Variants in FAT3 observed in about 807,000 individuals in gnomAD.
FAT3 encodes protocadherin Fat 3.
A neutral mutation model predicts 310.2 loss-of-function variants in FAT3; 95 were observed. The observed-to-expected ratio is 0.31, with a 90% confidence interval of 0.26 to 0.36. The LOEUF is 0.36. Among genes scored for constraint, FAT3 ranks in the 10% least tolerant of loss-of-function variants. The probability of loss-of-function intolerance (pLI) is 1.00; values close to 1 mark genes in which losing one functional copy is unlikely to be tolerated. For synonymous variants in FAT3, 2,314 were observed against 2,192.9 expected (o/e 1.06, Z -1.54); for missense variants, 5,408 against 5,715.6 (o/e 0.95, Z 1.74).
At chr11:92,812,497 G>C (rs970377764) in intron 13 of FAT3, among the ~76,000 whole-genome samples, 5 of 151,692 alleles carry the variant, frequency 3.3e-5, no homozygotes, top group African/African-American at 1.2e-4. Flanking sequence ...CAGAAGAATT[G>C]CTTGAACCCG....
At position 92,762,088 on chromosome 11, in the gene FAT3, A is replaced by T. The variant is rs1334548366; in HGVS notation, c.3902A>T (p.Asp1301Val). Reference protein sequence around the residue: ...ISYSIVDGNDDGKFFIDPKTG... With the variant: ...ISYSIVDGNDVGKFFIDPKTG... ...TACAGTATTGTGGATGGGAATGATG[A>T]CGGAAAGTTCTTTATTGACCCTAAA... Residue 1301 changes from aspartate (D) to valine (V), a missense_variant, in exon 5 of 28, where the codon GAC (aspartate) becomes GTC (valine). Physicochemically the swap from Asp to Val is radical, Grantham distance 152. Around this residue, in one of 5 missense-constraint regions of FAT3, gnomAD observed 4,588 missense variants for 4,809.8 expected, o/e 0.95. Coordinates refer to ENST00000525166, the MANE Select transcript of FAT3 (RefSeq NM_001367949.2). The T allele has an allele frequency of 1.9e-6, 3 of 1,613,872 alleles. No homozygotes were observed. Among genetic ancestry groups the T allele is most frequent in the Non-Finnish European group, 2.5e-6 (3 of 1,179,890 alleles).
chr11:92,890,444 C>A (rs1196259115), intron 27 of FAT3, 47 bp from the exon 28 acceptor site: 1 of 1,558,540 alleles, frequency 6.4e-7, no homozygotes, highest in South Asian at 1.2e-5. Flanking sequence ...AGCAAAGCAC[C>A]AACTCCAGTC....
intron 7 of FAT3, among the ~76,000 whole-genome samples, chr11:92,777,819 A>T (rs1373902791): frequency 3.9e-5 from 6 of 152,142 alleles, no homozygotes. Context: ...GCAGAGTATC[A>T]GCATGAGGTC....
intron 1 of FAT3, among the ~76,000 whole-genome samples, chr11:92,318,594 A>C (rs2134483134): frequency 6.6e-6 from 1 of 152,226 alleles, no homozygotes; most frequent in South Asian, 2.1e-4. Flanking sequence ...TTGAAGAAAA[A>C]CTCCAGCTTA....
At chr11:92,367,279 T>C (rs1949050317) in intron 2 of FAT3, 1 of 236,148 alleles carries the variant, frequency 4.2e-6, no homozygotes, top group African/African-American at 2.2e-5. Flanking sequence ...TGGTGCCAAC[T>C]GGTACAGATG....
At chr11:92,281,205 T>G (rs1197037944) in intron 1 of FAT3, among the ~76,000 whole-genome samples, 6 of 152,138 alleles carry the variant, frequency 3.9e-5, no homozygotes, top group Non-Finnish European at 7.4e-5. Flanking sequence ...GTCTTTCCAT[T>G]TGTACATTAC....
chr11:92,627,545 A>T (rs1941383029), intron 3 of FAT3, among the ~76,000 whole-genome samples: 1 of 152,156 alleles, frequency 6.6e-6, no homozygotes, highest in African/African-American at 2.4e-5. Flanking sequence ...AGGGAGAGGG[A>T]TAGAGATGTC....
rs200494319 is a variant in FAT3, at chr11:92,799,204, G to A, written c.6191G>A (p.Arg2064His). Reference protein sequence around the residue: ...VEASRELDHLRVARVVVRVNI... With the variant: ...VEASRELDHLHVARVVVRVNI... ...GCCAGCCGTGAGCTGGACCATCTGC[G>A]TGTGGCCAGAGTGGTGGTCAGGGTT... Residue 2064 changes from arginine to histidine, a missense_variant, in exon 10 of 28, where the codon CGT becomes CAT. Arg to His is a conservative substitution (Grantham distance 29, BLOSUM62 0). This residue lies in a region of FAT3 where 4,588 missense variants were observed against 4,809.8 expected (regional missense o/e 0.95). Coordinates refer to ENST00000525166, the MANE Select transcript of FAT3 (RefSeq NM_001367949.2). The A allele has an allele frequency of 4.6e-5, 74 of 1,613,820 alleles. No individual in the cohort carries two copies. Among genetic ancestry groups the A allele is most frequent in the Middle Eastern group, 3.3e-4 (2 of 6,084 alleles).
At chr11:92,282,312 A>G (rs1207059762) in intron 1 of FAT3, among the ~76,000 whole-genome samples, 2 of 152,096 alleles carry the variant, frequency 1.3e-5, no homozygotes, top group African/African-American at 2.4e-5. Context: ...TTTTTTCTGC[A>G]TCTTATTCCC....
chr11:92,609,090 T>G (rs1940441773), intron 3 of FAT3, among the ~76,000 whole-genome samples: 1 of 152,252 alleles, frequency 6.6e-6, no homozygotes, highest in South Asian at 2.1e-4. Context: ...TTTTGATTAT[T>G]ATACTCTTGA....
chr11:92,696,317 G>A (rs1943941166), intron 3 of FAT3, among the ~76,000 whole-genome samples: 1 of 152,096 alleles, frequency 6.6e-6, no homozygotes, highest in Non-Finnish European at 1.5e-5. Flanking sequence ...GTTACTCTGA[G>A]TGGGATATTA....
intron 1 of FAT3, among the ~76,000 whole-genome samples, chr11:92,258,922 G>A (rs901741076): frequency 6.6e-6 from 1 of 151,694 alleles, no homozygotes; most frequent in Non-Finnish European, 1.5e-5. Context: ...GGATGGAGAG[G>A]AAGATGAAGG....
At chr11:92,442,094 TA>T (rs1197752018) in intron 2 of FAT3, among the ~76,000 whole-genome samples, 11 of 47,776 alleles carry the variant, frequency 2.3e-4, no homozygotes, top group Non-Finnish European at 2.9e-4. Context: ...TATATATATA[TA>T]TATATATATA....
intron 2 of FAT3, among the ~76,000 whole-genome samples, chr11:92,437,353 A>G (rs577435661): frequency 2.6e-5 from 4 of 152,338 alleles, no homozygotes; most frequent in African/African-American, 9.6e-5. Flanking sequence ...ATTACACAGT[A>G]TTAATTGTCA....
intron 12 of FAT3, among the ~76,000 whole-genome samples, chr11:92,807,790 T>C (rs1330511545): frequency 6.6e-6 from 1 of 152,242 alleles, no homozygotes; most frequent in Non-Finnish European, 1.5e-5. Context: ...TTATGTAAGC[T>C]AAAGGCAGAT....
At chr11:92,743,152 G>C (rs1466919370) in intron 4 of FAT3, among the ~76,000 whole-genome samples, 2 of 152,110 alleles carry the variant, frequency 1.3e-5, no homozygotes, top group African/African-American at 4.8e-5. Flanking sequence ...AGACTCCCTT[G>C]GTCTTTACTC....
chr11:92,230,546 G>C (rs953405830), intron 1 of FAT3, among the ~76,000 whole-genome samples: 1 of 152,074 alleles, frequency 6.6e-6, no homozygotes, highest in Non-Finnish European at 1.5e-5. Context: ...CACCCACCTC[G>C]GCCTCCCAAA....
intron 1 of FAT3, among the ~76,000 whole-genome samples, chr11:92,283,898 C>G (rs1035034617): frequency 6.6e-6 from 1 of 151,974 alleles, no homozygotes; most frequent in Non-Finnish European, 1.5e-5. Flanking sequence ...TCTTCCTGAC[C>G]CACCCAAGGA....
At chr11:92,499,173 A>T (rs1565363792) in intron 2 of FAT3, among the ~76,000 whole-genome samples, 1 of 152,060 alleles carries the variant, frequency 6.6e-6, no homozygotes, top group East Asian at 1.9e-4. Flanking sequence ...TTGAGTAGGT[A>T]TGTCAAAAGG....
Sources: allele counts gnomAD v4.1 joint callset (sites outside exome capture counted in the v4.1 genomes callset), GRCh38; gene constraint gnomAD v4.1.1; regional missense constraint gnomAD v4.1.1; transcripts MANE v1.5; gene names NCBI Gene and HGNC (gene_info 2026-07-23, HGNC 2026-07-21).